PPP2R1B: variants seen among roughly 807,000 people sequenced by gnomAD.
PPP2R1B encodes serine/threonine-protein phosphatase 2A 65 kDa regulatory subunit A beta isoform.
A neutral mutation model predicts 72.7 loss-of-function variants in PPP2R1B; 58 were observed. The observed-to-expected ratio is 0.80, with a 90% CI of 0.65 to 0.99. The LOEUF (loss-of-function observed/expected upper bound fraction) is 0.99. Ranked by LOEUF, PPP2R1B falls within the 50% of genes least tolerant of loss-of-function variation. The pLI is 0.00. For synonymous variants in PPP2R1B, 256 were observed against 264.6 expected (o/e 0.97, Z 0.32); for missense variants, 695 against 733.6 (o/e 0.95, Z 0.61).
chr11:111,763,366 C>T (rs1945397844), intron 3 of PPP2R1B, among the ~76,000 whole-genome samples: 1 of 152,212 alleles, frequency 6.6e-6, no homozygotes, highest in South Asian at 2.1e-4. Flanking sequence ...GATAATCCTA[C>T]AGAGGCGGGT....
chr11:111,735,808 G>A (rs145440736), downstream of PPP2R1B, among the ~76,000 whole-genome samples: 54 of 152,322 alleles, frequency 3.5e-4, no homozygotes, highest in Middle Eastern at 3.4e-3. Flanking sequence ...AGTCCACTAC[G>A]CACCCTAGAC....
At chr11:111,694,546 C>T in the PPP2R1B span, among the ~76,000 whole-genome samples, 5 of 151,788 alleles carry the variant, frequency 3.3e-5, 1 homozygote, top group Admixed American at 2.6e-4. Flanking sequence ...GATTTGTCCC[C>T]TAGAACTGAA....
chr11:111,717,737 A>G, the PPP2R1B span, among the ~76,000 whole-genome samples: 1 of 152,372 alleles, frequency 6.6e-6, no homozygotes, highest in East Asian at 1.9e-4. Flanking sequence ...TGTGGTACAT[A>G]TACACCATGG....
chr11:111,719,956 A>G, the PPP2R1B span: 1 of 1,614,142 alleles, frequency 6.2e-7, no homozygotes, highest in Non-Finnish European at 8.5e-7. Context: ...CAGAGACGGC[A>G]CACTCTGTCA....
At chr11:111,701,704 G>A in the PPP2R1B span, 10 of 1,222,708 alleles carry the variant, frequency 8.2e-6, no homozygotes, top group African/African-American at 1.5e-5. This position sits in a 1 kb window ranked among gnomAD's most constrained non-coding sequence, Gnocchi z 4.2. Context: ...TAGGTTAAAA[G>A]CTATAGAAAG....
intron 4 of PPP2R1B, among the ~76,000 whole-genome samples, chr11:111,760,472 T>G (rs889455755): frequency 1.3e-5 from 2 of 152,098 alleles, no homozygotes; most frequent in Non-Finnish European, 2.9e-5. Flanking sequence ...CATGAGCCAC[T>G]GCATCCAGCC....
At chr11:111,730,161 C>G (rs781766195) in intron 15 of PPP2R1B, 1 of 152,196 alleles carries the variant, frequency 6.6e-6, no homozygotes, top group African/African-American at 2.4e-5. Flanking sequence ...TTTTCAGAGG[C>G]AAAGTGGGTG....
intron 3 of PPP2R1B, among the ~76,000 whole-genome samples, chr11:111,762,542 C>T (rs1182608721): frequency 6.9e-6 from 1 of 144,368 alleles, no homozygotes; most frequent in Non-Finnish European, 1.5e-5. Context: ...ACACTTCACA[C>T]TCCAGCAGTT....
At chr11:111,698,627 C>T in the PPP2R1B span, among the ~76,000 whole-genome samples, 1 of 152,174 alleles carries the variant, frequency 6.6e-6, no homozygotes, top group South Asian at 2.1e-4. Flanking sequence ...CTGTGCTACT[C>T]AGGAGGTTGA....
chr11:111,726,615 C>A, downstream of PPP2R1B: 1 of 250,836 alleles, frequency 4.0e-6, no homozygotes, highest in Non-Finnish European at 7.7e-6. Flanking sequence ...GTTGGTCAGT[C>A]AGGTGTTTGC....
At position 111,753,593 on chromosome 11, in the gene PPP2R1B, A is replaced by G; in HGVS notation, c.1030-16T>C. 6.3e-7 allele frequency: 1 copy of G among 1,594,184 alleles called. No individual in the cohort carries two copies. The highest frequency in any genetic ancestry group is 8.5e-7 in the Non-Finnish European group (1 of 1,171,388). ...ATACTAATTCCTAAAATAAAATCGA[A>G]ATTAAAAGCCTTTATTACAAGACAA... On this transcript the variant is annotated splice_polypyrimidine_tract_variant and intron_variant, in intron 8 of 14. Transcript: ENST00000527614.
intron 5 of PPP2R1B, among the ~76,000 whole-genome samples, chr11:111,758,840 C>A (rs1292670490): frequency 1.3e-5 from 2 of 151,952 alleles, no homozygotes; most frequent in African/African-American, 4.8e-5. Flanking sequence ...TCATTTTGTA[C>A]ATTTATTATT....
At chr11:111,705,182 G>T in the PPP2R1B span, 1 of 1,476,814 alleles carries the variant, frequency 6.8e-7, no homozygotes. This position sits in a 1 kb window ranked among gnomAD's most constrained non-coding sequence, Gnocchi z 4.3. Flanking sequence ...GCATGTGCCT[G>T]TTCACATGTT....
intron 6 of PPP2R1B, 53 bp from the exon 7 acceptor site, chr11:111,755,147 G>T: frequency 1.3e-6 from 2 of 1,547,218 alleles, no homozygotes; most frequent in African/African-American, 1.4e-5. Flanking sequence ...GAATTAACAA[G>T]AACAAAACAA....
In PPP2R1B at chr11:111,740,790, T is replaced by G. The variant is rs1238426675; in HGVS notation, c.*806A>C. On this transcript the variant is annotated 3_prime_UTR_variant, in exon 15 of 15. Coordinates refer to ENST00000527614, the MANE Select transcript of PPP2R1B (RefSeq NM_002716.5). ...TTATCCCTGTGGTTCTTAGACTCAT[T>G]CGAAATACAGAACTGCAATCTCACA... 4.1e-6 allele frequency: 4 copies of G among 985,312 alleles called. No individual in the cohort carries two copies. The highest frequency in any genetic ancestry group is 1.1e-4 in the East Asian group (1 of 8,822). 61.0% of individuals were successfully genotyped at this position (985,312 alleles called of 1,614,324 possible).
At chr11:111,711,008 T>C in the PPP2R1B span, among the ~76,000 whole-genome samples, 1 of 152,242 alleles carries the variant, frequency 6.6e-6, no homozygotes, top group Non-Finnish European at 1.5e-5. Flanking sequence ...AAAACACATC[T>C]AATAAATTAT....
downstream of PPP2R1B, chr11:111,737,402 C>T (rs771068459): frequency 9.3e-6 from 15 of 1,613,434 alleles, no homozygotes; most frequent in South Asian, 2.2e-5. Flanking sequence ...CCTGGCTGCC[C>T]GCAGCCCTGA....
At position 111,761,395 on chromosome 11, in the gene PPP2R1B, A is replaced by ATATT. The variant is rs1270865274; in HGVS notation, c.307-348_307-345dup. 7 of 385,450 alleles carry ATATT rather than the reference A, an allele frequency of 1.8e-5. No homozygotes were observed. In the Admixed American group the frequency reaches 2.4e-4, roughly 13 times the overall value. 23.9% of individuals were successfully genotyped at this position (385,450 alleles called of 1,614,324 possible). A position where few individuals can be genotyped will look rare whatever the true frequency, so the allele number is the denominator to read the frequency against. The stretch of plus-strand genomic sequence containing the variant: ...TAGCCAAATTCAGACAGGATCATGT[A>ATATT]TATTTCCTCAAGAGTAAGTACAAAA... On this transcript the variant is annotated intron_variant, in intron 3 of 14. Coordinates refer to ENST00000527614, the MANE Select transcript of PPP2R1B (RefSeq NM_002716.5).
chr11:111,758,594 A>AGAAAAGAAAAGAAAAGAAAAAGT, intron 5 of PPP2R1B, among the ~76,000 whole-genome samples: 3 of 152,034 alleles, frequency 2.0e-5, no homozygotes, highest in African/African-American at 7.2e-5. Context: ...TTTTAAAAAA[A>AGAAAAGAAAAGAAAAGAAAAAGT]GAAAAGAAAA....
Sources: allele counts gnomAD v4.1 joint callset (sites outside exome capture counted in the v4.1 genomes callset), GRCh38; gene constraint gnomAD v4.1.1; non-coding constraint Gnocchi (gnomAD v3.1); transcripts MANE v1.5; gene names NCBI Gene and HGNC (gene_info 2026-07-23, HGNC 2026-07-21).